The following INHBC variants were observed in gnomAD, a reference collection of about 807,000 sequenced individuals.
INHBC encodes the protein inhibin beta C chain.
INHBC carries 10 observed loss-of-function variants against 12.4 expected under a neutral mutation model. That is an observed-to-expected ratio of 0.81 (90% CI 0.50 to 1.37). The LOEUF is 1.37. Among genes scored for constraint, INHBC ranks in the 40% most tolerant of loss-of-function variants. The probability of loss-of-function intolerance (pLI) is 0.00; values close to 1 mark genes in which losing one functional copy is unlikely to be tolerated. For missense variants in INHBC, 382 were observed against 439.4 expected, an observed-to-expected ratio of 0.87 and a Z score of 1.17; for synonymous variants, 147 against 171.6, an observed-to-expected ratio of 0.86 and a Z score of 1.12.
rs1166488473 is a variant in INHBC at position 57,450,103 on chromosome 12, G to T, written c.*81G>T. On this transcript the variant is annotated 3_prime_UTR_variant, in exon 2 of 2. Transcript: ENST00000309668. ...GTGCACTTCCTTGAGAGGAGGGAAT[G>T]ACCTCATTCTCTGTCCAGAATGTGG... 11 of 1,389,520 alleles carry T rather than the reference G, an allele frequency of 7.9e-6. No individual in the cohort carries two copies. In the Admixed American group the frequency reaches 2.8e-4, roughly 36 times the overall value. The allele number at this position is 1,389,520 out of a possible 1,614,324, so 86.1% of individuals were successfully genotyped here.
At chr12:57,439,719 T>C (rs939270146) in intron 1 of INHBC, among the ~76,000 whole-genome samples, 2 of 152,214 alleles carry the variant, frequency 1.3e-5, no homozygotes, top group African/African-American at 4.8e-5. Flanking sequence ...GTCTGTGTCA[T>C]GGGATGACAC....
intron 1 of INHBC, among the ~76,000 whole-genome samples, chr12:57,443,894 T>G (rs1870520473): frequency 6.6e-6 from 1 of 152,124 alleles, no homozygotes; most frequent in Admixed American, 6.5e-5. Flanking sequence ...GTTCAAGCAA[T>G]TCTCCTGCCT....
chr12:57,442,483 T>C (rs1870486929), intron 1 of INHBC, among the ~76,000 whole-genome samples: 1 of 152,166 alleles, frequency 6.6e-6, no homozygotes, highest in Non-Finnish European at 1.5e-5. Context: ...CAGACTCTTT[T>C]AGGATTTTGG....
At position 57,451,753 on chromosome 12, in the gene INHBC, G is replaced by T. The variant is rs1430503921; in HGVS notation, c.*1731G>T. The T allele has an allele frequency of 2.3e-6, 1 of 433,282 alleles. No individual in the cohort carries two copies. The highest frequency in any genetic ancestry group is 2.0e-5 in the African/African-American group (1 of 49,146). The allele number at this position is 433,282 out of a possible 1,614,324, so 26.8% of individuals were successfully genotyped here. On this transcript the variant is annotated 3_prime_UTR_variant, in exon 2 of 2. Coordinates refer to ENST00000309668, the MANE Select transcript of INHBC (RefSeq NM_005538.4). The stretch of plus-strand genomic sequence containing the variant: ...AGGGCTTCCTGAGCAACCCATGGAA[G>T]TTATCCCACCTTTGACTTGAGGAGA...
intron 1 of INHBC, among the ~76,000 whole-genome samples, chr12:57,443,061 C>T (rs1385639642): frequency 6.6e-6 from 1 of 151,656 alleles, no homozygotes; most frequent in African/African-American, 2.4e-5. Flanking sequence ...ACTTCATACC[C>T]CGCCTTTTTG....
Position 57,445,721 on chromosome 12 carries a change from C to CG in INHBC, c.314-3556_314-3555insG, listed in dbSNP as rs781591781. On this transcript the variant is annotated intron_variant, in intron 1 of 1. Coordinates refer to ENST00000309668, the MANE Select transcript of INHBC (RefSeq NM_005538.4). ...CTGGGTAACATAGTGAGACCCCCCG[C>CG]CCATCTCCATGTAAATTTTTTTTTT... Among the ~76,000 whole-genome samples, 46 of 141,464 alleles carry CG rather than the reference C, an allele frequency of 3.3e-4. 1 individual carries two copies. The South Asian group carries it at 8.7e-3, about 27-fold the overall frequency. 92.8% of individuals were successfully genotyped at this position (141,464 alleles called of 152,430 possible).
At chr12:57,436,473 CTTTTTTTTTTTTT>C (rs71084754) in intron 1 of INHBC, among the ~76,000 whole-genome samples, 1 of 104,754 alleles carries the variant, frequency 9.5e-6, no homozygotes, top group African/African-American at 3.4e-5. Flanking sequence ...TTTTCTTTTT[CTTTTTTTTTTTTT>C]TTTTTTGAGA....
chr12:57,446,826 C>T (rs1021989397), intron 1 of INHBC, among the ~76,000 whole-genome samples: 3 of 151,510 alleles, frequency 2.0e-5, no homozygotes, highest in Non-Finnish European at 2.9e-5. Flanking sequence ...AAGGTTGGGC[C>T]GACAAAGAGG....
At chr12:57,447,892 A>AATAT (rs1241342566) in intron 1 of INHBC, among the ~76,000 whole-genome samples, 843 of 19,704 alleles carry the variant, frequency 0.043, 33 homozygotes, top group Middle Eastern at 0.071. Context: ...AAAAAAAAAA[A>AATAT]ATATATATAT....
rs1215735007 is a variant in INHBC, at chr12:57,451,320, G to C, written c.*1298G>C. 6.6e-6 allele frequency among the ~76,000 whole-genome samples: 1 copy of C among 152,202 alleles called. No homozygotes were observed. The highest frequency in any genetic ancestry group is 1.9e-4 in the East Asian group (1 of 5,190). On this transcript the variant is annotated 3_prime_UTR_variant, in exon 2 of 2. Transcript: ENST00000309668. ...GGAGGCAGAGGCATGCTCAGAGCTG[G>C]CTGCCAGGACCTCTGACTTGCCTTC...
At chr12:57,444,609 G>T (rs917713663) in intron 1 of INHBC, among the ~76,000 whole-genome samples, 25 of 151,750 alleles carry the variant, frequency 1.6e-4, no homozygotes, top group African/African-American at 6.0e-4. Flanking sequence ...AGTTAAGCAG[G>T]ATGATGTATT....
intron 1 of INHBC, among the ~76,000 whole-genome samples, chr12:57,438,642 C>G (rs1277728181): frequency 6.6e-6 from 1 of 152,152 alleles, no homozygotes; most frequent in Non-Finnish European, 1.5e-5. Flanking sequence ...TCATTGTAGC[C>G]AAGCCTAGAA....
chr12:57,445,713 A>AC (rs34861543), intron 1 of INHBC, among the ~76,000 whole-genome samples: 34,975 of 114,950 alleles, frequency 0.3, 6,036 homozygotes, highest in South Asian at 0.47. Flanking sequence ...ACATAGTGAG[A>AC]CCCCCCGCCC....
chr12:57,449,298 C>G lies in INHBC; in HGVS notation c.335C>G (p.Thr112Ser), dbSNP rs772985769. 6.2e-7 allele frequency: 1 copy of G among 1,613,764 alleles called. No individual in the cohort carries two copies. Among genetic ancestry groups the G allele is most frequent in the Non-Finnish European group, 8.5e-7 (1 of 1,179,778 alleles). Reference sequence around the variant, plus strand: ...ACAGGCCTCTCCACCATCAACCAGACTCGTCTTGATTTTCACTTCTCCTCT... The same window carrying G: ...ACAGGCCTCTCCACCATCAACCAGAGTCGTCTTGATTTTCACTTCTCCTCT... The part of the protein sequence containing the change: ...AETGLSTINQ[T>S]RLDFHFSSDR... Residue 112 changes from threonine to serine, a missense_variant, in exon 2 of 2, where the codon ACT (threonine) becomes AGT (serine). Physicochemically the swap from Thr to Ser is moderately conservative, Grantham distance 58. Coordinates refer to ENST00000309668, the MANE Select transcript of INHBC (RefSeq NM_005538.4).
At chr12:57,437,653 A>G (rs1244296628) in intron 1 of INHBC, among the ~76,000 whole-genome samples, 5 of 145,164 alleles carry the variant, frequency 3.4e-5, no homozygotes, top group African/African-American at 1.3e-4. Flanking sequence ...CCTGGGGGAC[A>G]GAGTGACACT....
intron 1 of INHBC, among the ~76,000 whole-genome samples, chr12:57,448,187 A>G (rs1056736770): frequency 1.3e-5 from 2 of 151,924 alleles, no homozygotes; most frequent in Non-Finnish European, 2.9e-5. Context: ...CTAGGCCTGA[A>G]GCTTGGTGAT....
rs985429857 is a variant in INHBC at position 57,450,358 on chromosome 12, A to C, written c.*336A>C. 1.0e-5 allele frequency: 2 copies of C among 199,556 alleles called. No individual in the cohort carries two copies. The highest frequency in any genetic ancestry group is 4.6e-5 in the African/African-American group (2 of 43,212). The allele number at this position is 199,556 out of a possible 1,614,324, so 12.4% of individuals were successfully genotyped here. ...AAGACACCCTTAGCTCACCTTTAAT[A>C]GACCCCATAACCCACTATGCCTTCC... On this transcript the variant is annotated 3_prime_UTR_variant, in exon 2 of 2. Coordinates refer to ENST00000309668, the MANE Select transcript of INHBC (RefSeq NM_005538.4).
rs1261055156 is a variant in INHBC, at chr12:57,450,756, T to A, written c.*734T>A. The A allele has an allele frequency of 6.6e-6, 1 of 152,398 alleles. No individual in the cohort carries two copies. The highest frequency in any genetic ancestry group is 6.5e-5 in the Admixed American group (1 of 15,270). 9.4% of individuals were successfully genotyped at this position (152,398 alleles called of 1,614,324 possible). A position where few individuals can be genotyped will look rare whatever the true frequency, so the allele number is the denominator to read the frequency against. ...TCTAGGTGTCATGGTTCTGTGTAACTGTGGCTATTCTGTGTCCCTACACTA... is the reference window on the plus strand; with the variant it reads ...TCTAGGTGTCATGGTTCTGTGTAACAGTGGCTATTCTGTGTCCCTACACTA... On this transcript the variant is annotated 3_prime_UTR_variant, in exon 2 of 2. Coordinates refer to ENST00000309668, the MANE Select transcript of INHBC (RefSeq NM_005538.4).
chr12:57,442,222 C>T (rs1397304501), intron 1 of INHBC, among the ~76,000 whole-genome samples: 1 of 152,192 alleles, frequency 6.6e-6, no homozygotes, highest in Non-Finnish European at 1.5e-5. Context: ...TATGTAAGTA[C>T]TCAATAAACA....
Sources: gnomAD v4.1 joint callset for allele counts (sites outside exome capture counted in the v4.1 genomes callset) on GRCh38, gnomAD v4.1.1 for gene constraint, MANE v1.5 for transcripts, NCBI Gene and HGNC (gene_info 2026-07-23, HGNC 2026-07-21) for gene names.